NRG1: variants seen among roughly 807,000 people sequenced by gnomAD.
The protein encoded by NRG1 is pro-neuregulin-1, membrane-bound isoform.
Under a neutral mutation model 63.8 loss-of-function variants are expected in NRG1, and 18 were observed. That is an observed-to-expected ratio of 0.28 (90% CI 0.19 to 0.42). The LOEUF is 0.42. Among genes scored for constraint, NRG1 ranks in the 10% least tolerant of loss-of-function variants. NRG1 has a pLI of 1.00. For synonymous variants in NRG1, 302 were observed against 301.3 expected, an observed-to-expected ratio of 1.00 and a Z score of -0.02; for missense variants, 762 against 814.7, an observed-to-expected ratio of 0.94 and a Z score of 0.79.
intron 1 of NRG1, among the ~76,000 whole-genome samples, chr8:32,119,174 G>A (rs549412484): frequency 1.3e-5 from 2 of 152,190 alleles, no homozygotes; most frequent in South Asian, 4.2e-4. Context: ...GAAAGAATGA[G>A]TATTACAAGG....
At chr8:32,644,862 G>A (rs1377439698) in intron 5 of NRG1, among the ~76,000 whole-genome samples, 1 of 148,416 alleles carries the variant, frequency 6.7e-6, no homozygotes, top group Non-Finnish European at 1.5e-5. Flanking sequence ...GTGAATAATT[G>A]CTCTTGGTGT....
At chr8:32,163,086 A>C (rs1839013183) in intron 1 of NRG1, among the ~76,000 whole-genome samples, 2 of 152,244 alleles carry the variant, frequency 1.3e-5, no homozygotes, top group Admixed American at 1.3e-4. Context: ...AAAGATGTGG[A>C]AGGATCAATG....
intron 11 of NRG1, chr8:32,760,732 A>G (rs1346998335): frequency 9.2e-7 from 1 of 1,086,700 alleles, no homozygotes; most frequent in African/African-American, 1.6e-5. Context: ...CAGTTGTAAC[A>G]TTAGAGAGAT....
chr8:32,074,861 T>C (rs1018719112), intron 1 of NRG1, among the ~76,000 whole-genome samples: 5 of 152,212 alleles, frequency 3.3e-5, no homozygotes, highest in African/African-American at 1.2e-4. Flanking sequence ...TTTCAATCAA[T>C]ATGAACAATC....
intron 1 of NRG1, among the ~76,000 whole-genome samples, chr8:31,916,057 T>C (rs1290691921): frequency 1.3e-5 from 2 of 152,118 alleles, no homozygotes; most frequent in Admixed American, 6.6e-5. Context: ...TAATTGATGA[T>C]ACATTTTCTT....
At chr8:32,127,222 T>C (rs1334041326) in intron 1 of NRG1, among the ~76,000 whole-genome samples, 1 of 151,896 alleles carries the variant, frequency 6.6e-6, no homozygotes, top group Non-Finnish European at 1.5e-5. Context: ...AGGCTAACAT[T>C]CTGAACTTGG....
chr8:31,646,402 C>A (rs1268213853), intron 1 of NRG1, among the ~76,000 whole-genome samples: 1 of 152,186 alleles, frequency 6.6e-6, no homozygotes, highest in African/African-American at 2.4e-5. Context: ...AGGGAACATA[C>A]CTGATGAGGG....
intron 1 of NRG1, among the ~76,000 whole-genome samples, chr8:32,241,621 TAAC>T (rs1848103602): frequency 6.6e-6 from 1 of 152,186 alleles, no homozygotes; most frequent in South Asian, 2.1e-4. Flanking sequence ...CAAAATGAAT[TAAC>T]AAATTAAATC....
chr8:32,061,396 A>G (rs1229075131), intron 1 of NRG1, among the ~76,000 whole-genome samples: 1 of 151,946 alleles, frequency 6.6e-6, no homozygotes, highest in African/African-American at 2.4e-5. Flanking sequence ...CTGTTTCTCA[A>G]TGTATCATTT....
At chr8:31,823,949 T>A (rs746134191) in intron 1 of NRG1, among the ~76,000 whole-genome samples, 13 of 152,200 alleles carry the variant, frequency 8.5e-5, no homozygotes, top group Non-Finnish European at 1.3e-4. Flanking sequence ...TTGGTTCTTA[T>A]AAGAATCCAT....
chr8:32,318,139 A>G (rs531874959), intron 1 of NRG1, among the ~76,000 whole-genome samples: 3 of 152,300 alleles, frequency 2.0e-5, no homozygotes, highest in African/African-American at 7.2e-5. Context: ...GGGTATGGAA[A>G]ACTTTAAGAA....
chr8:32,334,578 C>A (rs1803028889), intron 1 of NRG1, among the ~76,000 whole-genome samples: 1 of 152,138 alleles, frequency 6.6e-6, no homozygotes, highest in South Asian at 2.1e-4. Flanking sequence ...CATTCCAGAG[C>A]CTTTAGGCAT....
chr8:32,544,688 T>TTC, upstream of NRG1, among the ~76,000 whole-genome samples: 1 of 139,046 alleles, frequency 7.2e-6, no homozygotes, highest in East Asian at 2.1e-4. Flanking sequence ...TCTTTTTTTT[T>TTC]TTTTTTTTTT....
chr8:32,193,239 G>A (rs1419989783), intron 1 of NRG1, among the ~76,000 whole-genome samples: 1 of 152,026 alleles, frequency 6.6e-6, no homozygotes, highest in Non-Finnish European at 1.5e-5. Flanking sequence ...ACACAGTGCA[G>A]CAGTAGTGAC....
At chr8:32,132,136 C>T (rs1332624721) in intron 1 of NRG1, among the ~76,000 whole-genome samples, 1 of 151,924 alleles carries the variant, frequency 6.6e-6, no homozygotes, top group Non-Finnish European at 1.5e-5. Context: ...AATGATATGG[C>T]AAGAGAGAGG....
chr8:32,614,486 A>C (rs1212560689), intron 3 of NRG1, 28 bp from the exon 4 acceptor site: 1 of 1,610,594 alleles, frequency 6.2e-7, no homozygotes, highest in East Asian at 2.2e-5. Flanking sequence ...TTTATATATC[A>C]TAATGTCCTA....
intron 1 of NRG1, among the ~76,000 whole-genome samples, chr8:31,775,141 C>T (rs925540568): frequency 1.3e-5 from 2 of 152,192 alleles, no homozygotes; most frequent in African/African-American, 4.8e-5. Context: ...GATACCTGTA[C>T]TCATATATTT....
intron 6 of NRG1, 102 bp from the exon 7 acceptor site, chr8:32,741,906 T>C (rs910795228): frequency 2.5e-6 from 2 of 806,994 alleles, no homozygotes; most frequent in Non-Finnish European, 4.3e-6. Flanking sequence ...TGGTACCAGA[T>C]CATTTTTAGG....
At chr8:32,563,896 G>A (rs1836925437) in intron 1 of NRG1, among the ~76,000 whole-genome samples, 1 of 152,076 alleles carries the variant, frequency 6.6e-6, no homozygotes, top group Non-Finnish European at 1.5e-5. Flanking sequence ...TAGTAACTCT[G>A]AATTGTCATC....
Sources: gnomAD v4.1 joint callset for allele counts (sites outside exome capture counted in the v4.1 genomes callset) on GRCh38, gnomAD v4.1.1 for gene constraint, MANE v1.5 for transcripts, NCBI Gene and HGNC (gene_info 2026-07-23, HGNC 2026-07-21) for gene names.